Variants in PRKCH observed in about 807,000 individuals in gnomAD.
PRKCH encodes protein kinase C eta type.
In PRKCH, 28 loss-of-function variants were observed where a neutral mutation model predicts 82.5. The ratio of observed to expected loss-of-function variants is 0.34; its 90% CI spans 0.25 to 0.47. The LOEUF is 0.47. PRKCH is among the 20% of genes least tolerant of loss of function. PRKCH has a pLI of 1.00. For synonymous variants in PRKCH, 322 were observed against 327.4 expected, an observed-to-expected ratio of 0.98 and a Z score of 0.18; for missense variants, 705 against 881.8, an observed-to-expected ratio of 0.80 and a Z score of 2.54.
intron 1 of PRKCH, among the ~76,000 whole-genome samples, chr14:61,359,460 A>T (rs2046194758): frequency 6.6e-6 from 1 of 152,208 alleles, no homozygotes; most frequent in African/African-American, 2.4e-5. Flanking sequence ...CATATTTTAG[A>T]ACTTATGGTA....
At chr14:61,449,045 G>C (rs1884362081) in intron 4 of PRKCH, 119 bp from the exon 5 acceptor site, 1 of 850,158 alleles carries the variant, frequency 1.2e-6, no homozygotes, top group Non-Finnish European at 1.9e-6. Flanking sequence ...ACCAGCTGCT[G>C]TCAAGGGGGC....
intron 1 of PRKCH, among the ~76,000 whole-genome samples, chr14:61,333,494 A>G (rs1452676634): frequency 6.6e-6 from 1 of 152,212 alleles, no homozygotes; most frequent in Non-Finnish European, 1.5e-5. Context: ...AATTAATTAT[A>G]GAAAATAGTT....
intron 2 of PRKCH, among the ~76,000 whole-genome samples, chr14:61,404,015 T>C (rs922970253): frequency 1.3e-5 from 2 of 152,242 alleles, no homozygotes; most frequent in African/African-American, 4.8e-5. Flanking sequence ...TTGTTTCAAA[T>C]GAACAAGACA....
intron 12 of PRKCH, among the ~76,000 whole-genome samples, chr14:61,542,183 G>A (rs1031203890): frequency 3.3e-5 from 5 of 151,912 alleles, no homozygotes; most frequent in East Asian, 1.9e-4. Context: ...CCAGCTACTC[G>A]GGAGGCTGAG....
intron 1 of PRKCH, among the ~76,000 whole-genome samples, chr14:61,355,404 A>G (rs1008861715): frequency 6.6e-6 from 1 of 151,374 alleles, no homozygotes; most frequent in Non-Finnish European, 1.5e-5. Flanking sequence ...AGCTGTACCT[A>G]TTCTGCTGTT....
At chr14:61,357,041 T>C (rs577500717) in intron 1 of PRKCH, among the ~76,000 whole-genome samples, 2 of 152,330 alleles carry the variant, frequency 1.3e-5, no homozygotes, top group South Asian at 4.1e-4. Context: ...AAGACTTCAG[T>C]GGACAACCAG....
intron 2 of PRKCH, among the ~76,000 whole-genome samples, chr14:61,396,365 G>A (rs900329879): frequency 2.0e-5 from 3 of 152,210 alleles, no homozygotes; most frequent in African/African-American, 7.2e-5. Context: ...AATTAGCTCA[G>A]GCAAAACTAT....
chr14:61,267,401 A>G (rs1403534399), intron 1 of PRKCH, among the ~76,000 whole-genome samples: 10 of 152,084 alleles, frequency 6.6e-5, no homozygotes, highest in Admixed American at 6.6e-4. Flanking sequence ...CTCTTCTGAC[A>G]CTCTAGCCCC....
chr14:61,267,314 T>A (rs7161737), intron 1 of PRKCH, among the ~76,000 whole-genome samples: 16 of 152,124 alleles, frequency 1.1e-4, no homozygotes, highest in African/African-American at 3.9e-4. Flanking sequence ...GCTCGGAGCC[T>A]TGATGTATGC....
intron 1 of PRKCH, among the ~76,000 whole-genome samples, chr14:61,245,025 T>C (rs1396041205): frequency 6.6e-6 from 1 of 152,230 alleles, no homozygotes; most frequent in Non-Finnish European, 1.5e-5. Context: ...GGCTGTTTCT[T>C]AACCCTTGAA....
rs370885143 is a variant in PRKCH, at chr14:61,549,738, A to G, written c.1959A>G (p.Pro653=). Residue 653 remains proline, a synonymous_variant, in exon 14 of 14, where the codon CCA becomes CCG. Coordinates refer to ENST00000332981, the MANE Select transcript of PRKCH (RefSeq NM_006255.5). ...ACCCTGACTTCATAAAGGAAGAGCC[A>G]GTTTTAACTCCAATTGATGAGGGAC... ...NFDPDFIKEE[P]VLTPIDEGHL... The G allele has an allele frequency of 1.2e-6, 2 of 1,613,810 alleles. No homozygotes were observed. The highest frequency in any genetic ancestry group is 1.7e-6 in the Non-Finnish European group (2 of 1,180,006).
At chr14:61,370,939 G>C (rs2046358147) in intron 1 of PRKCH, among the ~76,000 whole-genome samples, 1 of 152,018 alleles carries the variant, frequency 6.6e-6, no homozygotes, top group Non-Finnish European at 1.5e-5. Context: ...AGACAGTTGG[G>C]ACAGGGGATG....
At chr14:61,508,362 G>A (rs1275355194) in intron 10 of PRKCH, among the ~76,000 whole-genome samples, 1 of 152,064 alleles carries the variant, frequency 6.6e-6, no homozygotes, top group Non-Finnish European at 1.5e-5. Context: ...GAATCAAAGT[G>A]ATACAGAGAT....
chr14:61,267,231 A>G (rs1313381828), intron 1 of PRKCH, among the ~76,000 whole-genome samples: 5 of 152,182 alleles, frequency 3.3e-5, no homozygotes, highest in Non-Finnish European at 7.3e-5. Context: ...AGAAATAACT[A>G]TGATTTATAT....
chr14:61,489,731 A>G (rs1183879596), intron 10 of PRKCH, among the ~76,000 whole-genome samples: 1 of 152,218 alleles, frequency 6.6e-6, no homozygotes, highest in Admixed American at 6.5e-5. Context: ...AAGGCCAGAC[A>G]GTGCTCATGA....
At chr14:61,386,549 C>T (rs2046591085) in intron 1 of PRKCH, among the ~76,000 whole-genome samples, 1 of 152,182 alleles carries the variant, frequency 6.6e-6, no homozygotes, top group East Asian at 1.9e-4. Flanking sequence ...CTGGCGTGGC[C>T]TACTGGGTAA....
chr14:61,272,340 CTTTCTTTTTTTTTTTTTTTTTTTT>C (rs2045163541), intron 1 of PRKCH, among the ~76,000 whole-genome samples: 1 of 97,838 alleles, frequency 1.0e-5, no homozygotes, highest in Admixed American at 1.3e-4. Flanking sequence ...TTTCTTTTTT[CTTTCTTTTTTTTTTTTTTTTTTTT>C]TTTTTTTGAG....
chr14:61,433,743 A>G (rs1883533452), intron 2 of PRKCH, among the ~76,000 whole-genome samples: 1 of 152,238 alleles, frequency 6.6e-6, no homozygotes, highest in African/African-American at 2.4e-5. Flanking sequence ...GCAACTTTTA[A>G]AAAGATATGA....
chr14:61,208,832 C>T (rs1376502160), intron 1 of PRKCH, among the ~76,000 whole-genome samples: 1 of 152,146 alleles, frequency 6.6e-6, no homozygotes, highest in Non-Finnish European at 1.5e-5. Context: ...CTACAAAATT[C>T]ACTTGTTGAA....
Sources: gnomAD v4.1 joint callset for allele counts (sites outside exome capture counted in the v4.1 genomes callset) on GRCh38, gnomAD v4.1.1 for gene constraint, MANE v1.5 for transcripts, NCBI Gene and HGNC (gene_info 2026-07-23, HGNC 2026-07-21) for gene names.